Variants in NUP188 observed in about 807,000 individuals in gnomAD.
NUP188 encodes the protein nucleoporin 188, also known as nucleoporin NUP188.
In NUP188, 97 loss-of-function variants were observed where a neutral mutation model predicts 223.0. The observed-to-expected ratio is 0.43, with a 90% CI of 0.37 to 0.51. The LOEUF (loss-of-function observed/expected upper bound fraction) is 0.51. Among genes scored for constraint, NUP188 ranks in the 20% least tolerant of loss-of-function variants. The pLI, the probability that NUP188 is intolerant of heterozygous loss-of-function variation, is 0.00. For synonymous variants in NUP188, 869 were observed against 828.0 expected (o/e 1.05, Z -0.85); for missense variants, 1,947 against 2,175.6 (o/e 0.89, Z 2.09).
intron 8 of NUP188, among the ~76,000 whole-genome samples, chr9:128,965,340 A>G (rs1842012689): frequency 6.6e-6 from 1 of 152,094 alleles, no homozygotes; most frequent in Non-Finnish European, 1.5e-5. Context: ...GGTGAAATCT[A>G]TTTACATAAG....
At position 128,981,282 on chromosome 9, in the gene NUP188, A is replaced by G. The variant is rs148473901; in HGVS notation, c.1408A>G (p.Lys470Glu). The G allele has an allele frequency of 3.5e-5, 56 of 1,613,904 alleles. No individual in the cohort carries two copies. The highest frequency in any genetic ancestry group is 5.0e-5 in the Admixed American group (3 of 59,990). The change falls in exon 15 of 44, where the codon AAG becomes GAG. Residue 470 changes from lysine to glutamate, a missense_variant. Physicochemically the swap from Lys to Glu is moderately conservative, Grantham distance 56. Coordinates refer to ENST00000372577, the MANE Select transcript of NUP188 (RefSeq NM_015354.3). ...TTGGCAGGTGTATAGCTTCTTGGAT[A>G]AGATGTCTTTCTACAATGAACTTTA... The part of the protein sequence containing the change: ...TAKKVYSFLD[K>E]MSFYNELYKH...
At chr9:128,994,178 AGT>A (rs1193355882) in intron 27 of NUP188, among the ~76,000 whole-genome samples, 193 bp from the exon 28 acceptor site, 1 of 152,200 alleles carries the variant, frequency 6.6e-6, no homozygotes, top group African/African-American at 2.4e-5. Context: ...ATAATGCATA[AGT>A]GTGATTCATG....
At chr9:128,977,116 G>GT (rs1842186934) in intron 12 of NUP188, among the ~76,000 whole-genome samples, 2 of 138,048 alleles carry the variant, frequency 1.4e-5, no homozygotes, top group Non-Finnish European at 1.6e-5. Flanking sequence ...CTGGTACTTG[G>GT]ATTTTTTTTT....
intron 32 of NUP188, 99 bp downstream of exon 32, chr9:128,998,722 T>C: frequency 1.1e-6 from 1 of 951,304 alleles, no homozygotes; most frequent in South Asian, 1.3e-5. Flanking sequence ...GAAGCTGGGC[T>C]GGTTTTCCAT....
At chr9:128,966,896 A>G (rs1588274457) in intron 8 of NUP188, among the ~76,000 whole-genome samples, 1 of 152,214 alleles carries the variant, frequency 6.6e-6, no homozygotes, top group Non-Finnish European at 1.5e-5. Context: ...GATGGCATTT[A>G]TGTGCAGTGG....
intron 1 of NUP188, chr9:128,948,276 C>T (rs1368844144): frequency 2.0e-5 from 3 of 153,166 alleles, no homozygotes; most frequent in African/African-American, 7.2e-5. Flanking sequence ...CCTCTCCGCG[C>T]CTCGTATCGT....
chr9:128,986,486 A>C, intron 20 of NUP188, 72 bp from the exon 21 acceptor site: 1 of 1,519,124 alleles, frequency 6.6e-7, no homozygotes, highest in Non-Finnish European at 8.9e-7. Flanking sequence ...ATGGTTTTGG[A>C]ATTAAATCTC....
chr9:128,991,311 A>G (rs1220344784), intron 25 of NUP188, among the ~76,000 whole-genome samples: 2 of 151,964 alleles, frequency 1.3e-5, no homozygotes, highest in African/African-American at 4.8e-5. Context: ...AGGCTGAAGC[A>G]GGTGGATCAT....
At chr9:128,992,053 C>A (rs1842443502) in intron 25 of NUP188, among the ~76,000 whole-genome samples, 1 of 151,330 alleles carries the variant, frequency 6.6e-6, no homozygotes, top group Non-Finnish European at 1.5e-5. Context: ...ACTACAGGCG[C>A]CTGCCACTGC....
At chr9:128,979,720 C>A (rs1210615170) in intron 13 of NUP188, among the ~76,000 whole-genome samples, 1 of 152,108 alleles carries the variant, frequency 6.6e-6, no homozygotes, top group Non-Finnish European at 1.5e-5. Flanking sequence ...GCAACCTCTG[C>A]CTCCCGGGTT....
At chr9:128,957,381 C>T (rs553301044) in intron 5 of NUP188, among the ~76,000 whole-genome samples, 2 of 152,222 alleles carry the variant, frequency 1.3e-5, no homozygotes, top group African/African-American at 4.8e-5. Context: ...TGAGATCTGT[C>T]TTCATACTTG....
At chr9:128,961,223 G>A (rs1437170977) in intron 8 of NUP188, among the ~76,000 whole-genome samples, 10 of 148,042 alleles carry the variant, frequency 6.8e-5, no homozygotes, top group Non-Finnish European at 7.4e-5. Flanking sequence ...CCAGCTACTC[G>A]GGAGGCTAAG....
At chr9:128,992,556 C>T (rs1394182446) in intron 25 of NUP188, among the ~76,000 whole-genome samples, 1 of 152,218 alleles carries the variant, frequency 6.6e-6, no homozygotes, top group Non-Finnish European at 1.5e-5. Flanking sequence ...TCTTGATGTG[C>T]TTCATGCCAC....
intron 4 of NUP188, among the ~76,000 whole-genome samples, chr9:128,956,747 T>C (rs1046533856): frequency 3.9e-5 from 6 of 152,236 alleles, no homozygotes; most frequent in Non-Finnish European, 7.3e-5. Flanking sequence ...GTTTCTGGCA[T>C]GTACATTTAA....
Position 129,005,441 on chromosome 9 carries a change from GTCCAGTATGGCC to G in NUP188, c.4650_4661del (p.Gln1551_Leu1554del). 1 of 1,608,246 alleles carries G rather than the reference GTCCAGTATGGCC, an allele frequency of 6.2e-7. No homozygotes were observed. The highest frequency in any genetic ancestry group is 8.5e-7 in the Non-Finnish European group (1 of 1,180,018). ...ATCAGAGCAGCAGGCCTTGCACACA[GTCCAGTATGGCC>G]TTCTCAAGATCCTCAGCAAGACGCT... On this transcript the variant is annotated inframe_deletion, in exon 40 of 44. Transcript: ENST00000372577.
At chr9:128,968,273 T>TAA (rs34435452) in intron 8 of NUP188, among the ~76,000 whole-genome samples, 5 of 148,186 alleles carry the variant, frequency 3.4e-5, no homozygotes, top group African/African-American at 9.9e-5. Flanking sequence ...ATCTGTCTCT[T>TAA]AAAAAAAAAA....
At chr9:129,000,236 C>G (rs182248670) in intron 34 of NUP188, among the ~76,000 whole-genome samples, 44 of 152,260 alleles carry the variant, frequency 2.9e-4, no homozygotes, top group Admixed American at 1.6e-3. Context: ...GGATTACAGG[C>G]GTGCCCAAGA....
At chr9:128,966,278 GTGTGTGTGTT>G (rs917859748) in intron 8 of NUP188, among the ~76,000 whole-genome samples, 1 of 151,156 alleles carries the variant, frequency 6.6e-6, no homozygotes, top group African/African-American at 2.4e-5. Context: ...GTGTGTGTGT[GTGTGTGTGTT>G]TGTGTGTGTG....
intron 41 of NUP188, 36 bp downstream of exon 41, chr9:129,005,812 C>T (rs772021912): frequency 1.9e-5 from 29 of 1,554,166 alleles, no homozygotes; most frequent in Admixed American, 5.9e-5. Flanking sequence ...CCTCTCCCCC[C>T]GGCTCCTCCC....
Sources: gnomAD v4.1 joint callset for allele counts (sites outside exome capture counted in the v4.1 genomes callset) on GRCh38, gnomAD v4.1.1 for gene constraint, MANE v1.5 for transcripts, NCBI Gene and HGNC (gene_info 2026-07-23, HGNC 2026-07-21) for gene names.